KIF26B: variants seen among roughly 807,000 people sequenced by gnomAD.
The protein encoded by KIF26B is kinesin family member 26B.
In KIF26B, 63 loss-of-function variants were observed where a neutral mutation model predicts 151.2. The ratio of observed to expected loss-of-function variants is 0.42; its 90% CI spans 0.34 to 0.51. KIF26B has a LOEUF of 0.51. Among genes scored for constraint, KIF26B ranks in the 20% least tolerant of loss-of-function variants. KIF26B has a pLI of 0.07. For missense variants in KIF26B, 2,813 were observed against 2,913.6 expected, an observed-to-expected ratio of 0.97 and a Z score of 0.79; for synonymous variants, 1,357 against 1,262.1, an observed-to-expected ratio of 1.08 and a Z score of -1.59.
intron 2 of KIF26B, among the ~76,000 whole-genome samples, chr1:245,285,286 C>T (rs1409751789): frequency 6.6e-6 from 1 of 152,182 alleles, no homozygotes; most frequent in African/African-American, 2.4e-5. Flanking sequence ...ACATGCAATG[C>T]CTCCTAAGGT....
chr1:245,176,743 C>T (rs936631553), intron 2 of KIF26B, among the ~76,000 whole-genome samples: 1 of 152,124 alleles, frequency 6.6e-6, no homozygotes, highest in African/African-American at 2.4e-5. Context: ...GGCTAGCAGG[C>T]GATGGGGCCT....
At chr1:245,221,068 G>T (rs1669756860) in intron 2 of KIF26B, among the ~76,000 whole-genome samples, 1 of 152,172 alleles carries the variant, frequency 6.6e-6, no homozygotes, top group Admixed American at 6.5e-5. Flanking sequence ...GGCACATGGT[G>T]TCAGTTAAGT....
intron 9 of KIF26B, among the ~76,000 whole-genome samples, chr1:245,617,242 G>A (rs1021689861): frequency 1.8e-4 from 27 of 152,258 alleles, no homozygotes; most frequent in Admixed American, 5.2e-4. Context: ...GATGACAGGC[G>A]TCCACCACAA....
intron 2 of KIF26B, among the ~76,000 whole-genome samples, chr1:245,253,343 A>AT (rs1332443902): frequency 2.0e-5 from 3 of 152,116 alleles, no homozygotes; most frequent in Admixed American, 6.6e-5. Context: ...ACATTAAGAG[A>AT]TTTTTTTAGT....
rs1032038763 is a variant in KIF26B at position 245,572,099 on chromosome 1, G to A, written c.1351-30478G>A. On this transcript the variant is annotated intron_variant, in intron 5 of 14. Coordinates refer to ENST00000407071, the MANE Select transcript of KIF26B (RefSeq NM_018012.4). This position sits in a 1 kb window ranked among gnomAD's most constrained non-coding sequence, Gnocchi z 4.2. ...ACTGTGCACAGAGTCCAGATCTCAC[G>A]ACCTCGCTTTGCAAAGGCTACAAGA... Among the ~76,000 whole-genome samples the A allele has an allele frequency of 3.9e-5, 6 of 152,134 alleles. No homozygotes were observed. Among genetic ancestry groups the A allele is most frequent in the Non-Finnish European group, 1.5e-5 (1 of 68,034 alleles).
At position 245,516,312 on chromosome 1, in the gene KIF26B, A is replaced by G. The variant is rs1660962363; in HGVS notation, c.1167-24455A>G. 6.6e-6 allele frequency among the ~76,000 whole-genome samples: 1 copy of G among 152,206 alleles called. No homozygotes were observed. The highest frequency in any genetic ancestry group is 2.4e-5 in the African/African-American group (1 of 41,454). Reference sequence around the variant, plus strand: ...AGAAAATGCTATTTGCAGAACGGCAACAACAAAACGTGTAACAGGAATTGT... The same window carrying G: ...AGAAAATGCTATTTGCAGAACGGCAGCAACAAAACGTGTAACAGGAATTGT... On this transcript the variant is annotated intron_variant, in intron 4 of 14. Transcript: ENST00000407071. The surrounding 1 kb of genome is among the most constrained non-coding windows in gnomAD (Gnocchi z 4.2).
At chr1:245,230,469 G>A (rs1196243021) in intron 2 of KIF26B, among the ~76,000 whole-genome samples, 4 of 151,992 alleles carry the variant, frequency 2.6e-5, no homozygotes, top group African/African-American at 7.3e-5. Context: ...ACTGCCGGGC[G>A]TGGTGGCTCA....
intron 2 of KIF26B, among the ~76,000 whole-genome samples, chr1:245,266,017 G>A (rs184142935): frequency 4.6e-5 from 7 of 152,004 alleles, no homozygotes; most frequent in Admixed American, 3.9e-4. Flanking sequence ...ACACCATAAA[G>A]TAAAAGAGAT....
Position 245,411,604 on chromosome 1 carries a change from C to G in KIF26B, c.1000-7975C>G, listed in dbSNP as rs550390549. Among the ~76,000 whole-genome samples the G allele has an allele frequency of 2.4e-3, 366 of 152,252 alleles. 3 individuals are homozygous for G. The highest frequency in any genetic ancestry group is 7.9e-3 in the South Asian group (38 of 4,806). On this transcript the variant is annotated intron_variant, in intron 3 of 14. Coordinates refer to ENST00000407071, the MANE Select transcript of KIF26B (RefSeq NM_018012.4). ...ATCTGTGGGTGTCAGAGCAAGAGTC[C>G]TCTGTAGCTGCTTGTCCTTGACCTG...
intron 2 of KIF26B, among the ~76,000 whole-genome samples, chr1:245,272,475 G>A (rs1670870026): frequency 6.7e-6 from 1 of 148,688 alleles, no homozygotes; most frequent in Non-Finnish European, 1.5e-5. Context: ...TCTTGGTTTG[G>A]TTGTTTCTTT....
At chr1:245,695,462 C>T (rs2044680385) in intron 12 of KIF26B, among the ~76,000 whole-genome samples, 1 of 152,168 alleles carries the variant, frequency 6.6e-6, no homozygotes, top group African/African-American at 2.4e-5. Context: ...GGTGCAGGAA[C>T]TGAGTATCAA....
chr1:245,465,740 A>C (rs1439879470), intron 4 of KIF26B, among the ~76,000 whole-genome samples: 1 of 152,186 alleles, frequency 6.6e-6, no homozygotes, highest in Non-Finnish European at 1.5e-5. Flanking sequence ...CGTGGTGCGC[A>C]GTGCTCCTGC....
chr1:245,351,770 C>T (rs1333363657), intron 2 of KIF26B, among the ~76,000 whole-genome samples: 1 of 152,162 alleles, frequency 6.6e-6, no homozygotes, highest in Non-Finnish European at 1.5e-5. Context: ...TCATCAGCTC[C>T]CAAGATGAAG....
chr1:245,701,242 GAA>G (rs973766504), intron 14 of KIF26B, among the ~76,000 whole-genome samples: 1 of 152,122 alleles, frequency 6.6e-6, no homozygotes, highest in East Asian at 1.9e-4. Context: ...AAACAGTAAT[GAA>G]AAAAAGGATC....
chr1:245,434,224 C>G (rs1658849318), intron 4 of KIF26B, among the ~76,000 whole-genome samples: 1 of 152,158 alleles, frequency 6.6e-6, no homozygotes. Context: ...AAAAACTGGT[C>G]TGAAGTTCTT....
intron 4 of KIF26B, among the ~76,000 whole-genome samples, chr1:245,531,082 A>G (rs921707704): frequency 4.6e-5 from 7 of 152,164 alleles, no homozygotes; most frequent in African/African-American, 1.4e-4. Flanking sequence ...TCTGGCCACG[A>G]CCTAACTCAC....
rs911906996 is a variant in KIF26B at position 245,702,101 on chromosome 1, A to G, written c.6179-357A>G. 2.1e-4 allele frequency among the ~76,000 whole-genome samples: 12 copies of G among 57,778 alleles called. No individual in the cohort carries two copies. The highest frequency in any genetic ancestry group is 3.7e-4 in the Non-Finnish European group (12 of 32,726). 37.9% of individuals were successfully genotyped at this position (57,778 alleles called of 152,430 possible). ...AAAAGGGAGGGACTCTCCCCACCTCAACTTGAATTATTTACTTGATTGATT... is the reference window on the plus strand; with the variant it reads ...AAAAGGGAGGGACTCTCCCCACCTCGACTTGAATTATTTACTTGATTGATT... On this transcript the variant is annotated intron_variant, in intron 14 of 14. Transcript: ENST00000407071. The surrounding 1 kb of genome is among the most constrained non-coding windows in gnomAD (Gnocchi z 4.1).
intron 4 of KIF26B, among the ~76,000 whole-genome samples, chr1:245,507,593 A>C (rs898808360): frequency 6.6e-6 from 1 of 152,186 alleles, no homozygotes; most frequent in African/African-American, 2.4e-5. Context: ...GCTGGAAGCC[A>C]ATTGCCCACA....
intron 5 of KIF26B, among the ~76,000 whole-genome samples, chr1:245,599,517 TGTC>T (rs1272584807): frequency 1.3e-5 from 2 of 152,192 alleles, no homozygotes; most frequent in Non-Finnish European, 2.9e-5. Context: ...CGCTTCTCCT[TGTC>T]AGCCCTCGCC....
Sources: gnomAD v4.1 joint callset for allele counts (sites outside exome capture counted in the v4.1 genomes callset) on GRCh38, gnomAD v4.1.1 for gene constraint, Gnocchi (gnomAD v3.1) non-coding constraint, MANE v1.5 for transcripts, NCBI Gene and HGNC (gene_info 2026-07-23, HGNC 2026-07-21) for gene names.